The following RBM44 variants were observed in gnomAD, a reference collection of about 807,000 sequenced individuals.
The protein encoded by RBM44 is RNA binding motif protein 44, also known as RNA-binding protein 44.
A neutral mutation model predicts 105.1 loss-of-function variants in RBM44; 66 were observed. The observed-to-expected ratio is 0.63, with a 90% CI of 0.52 to 0.77. The LOEUF is 0.77. Ranked by LOEUF, RBM44 falls within the 30% of genes least tolerant of loss-of-function variation. The pLI is 0.00. For missense variants in RBM44, 1,122 were observed against 1,207.8 expected (o/e 0.93, Z 1.05); for synonymous variants, 365 against 417.6 (o/e 0.87, Z 1.54).
At chr2:237,812,148 G>C (rs72987131) in intron 1 of RBM44, among the ~76,000 whole-genome samples, 2 of 152,202 alleles carry the variant, frequency 1.3e-5, no homozygotes, top group Non-Finnish European at 1.5e-5. Flanking sequence ...GAGCCACTGC[G>C]CCCAGCCTGT....
At chr2:237,833,935 G>A (rs530482871) in intron 13 of RBM44, 62 bp from the exon 14 acceptor site, 38 of 761,220 alleles carry the variant, frequency 5.0e-5, no homozygotes, top group Admixed American at 2.7e-4. Flanking sequence ...TTGAATAAGC[G>A]GTATTATCTT....
At chr2:237,805,549 C>G (rs2150967814) in intron 1 of RBM44, among the ~76,000 whole-genome samples, 1 of 152,292 alleles carries the variant, frequency 6.6e-6, no homozygotes, top group East Asian at 1.9e-4. Context: ...GAAGGACTCC[C>G]TTATTCAATA....
chr2:237,821,918 C>A, intron 8 of RBM44, 91 bp downstream of exon 8: 1 of 799,246 alleles, frequency 1.3e-6, no homozygotes, highest in Non-Finnish European at 2.1e-6. Context: ...TGACATCCTT[C>A]TTTTCACTCA....
intron 1 of RBM44, among the ~76,000 whole-genome samples, chr2:237,810,427 G>T (rs1393598486): frequency 6.6e-6 from 1 of 152,160 alleles, no homozygotes; most frequent in Non-Finnish European, 1.5e-5. Context: ...AGTCACTGTG[G>T]TCCCAGCTAT....
At chr2:237,839,230 C>G (rs79820233) in intron 15 of RBM44, among the ~76,000 whole-genome samples, 4,218 of 152,230 alleles carry the variant, frequency 0.028, 83 homozygotes, top group Middle Eastern at 0.085. Context: ...GGGGCAACTA[C>G]TAAAAGAACA....
At chr2:237,801,361 A>G (rs1402980022) in intron 1 of RBM44, among the ~76,000 whole-genome samples, 1 of 152,156 alleles carries the variant, frequency 6.6e-6, no homozygotes, top group Non-Finnish European at 1.5e-5. Context: ...GAACAATCAA[A>G]TGTATCAAAT....
rs1457041850 is a variant in RBM44 at position 237,817,420 on chromosome 2, T to C, written c.501T>C (p.Asn167=). ...GAATCTACAATATTTCAGATGCTAA[T>C]TATAGAGAAAGTGCTGAAGATACAC... ...LERIYNISDA[N]YRESAEDTQK... Residue 167 remains asparagine (N), a synonymous_variant, in exon 3 of 16, where the codon AAT becomes AAC. Coordinates refer to ENST00000316997, the MANE Select transcript of RBM44 (RefSeq NM_001080504.3). 1 of 1,599,934 alleles carries C rather than the reference T, an allele frequency of 6.3e-7. No homozygotes were observed.
intron 1 of RBM44, among the ~76,000 whole-genome samples, chr2:237,808,527 G>A (rs1011891761): frequency 2.0e-5 from 3 of 151,668 alleles, no homozygotes; most frequent in African/African-American, 2.4e-5. Flanking sequence ...AAAATTTCAG[G>A]TAAATTAGGA....
chr2:237,814,282 A>G (rs1158224704), intron 2 of RBM44, among the ~76,000 whole-genome samples: 1 of 152,206 alleles, frequency 6.6e-6, no homozygotes, highest in Non-Finnish European at 1.5e-5. Context: ...TGATAGTAGT[A>G]AAGAGCATAA....
chr2:237,837,195 T>C (rs1576519393), intron 15 of RBM44, among the ~76,000 whole-genome samples: 1 of 152,176 alleles, frequency 6.6e-6, no homozygotes, highest in Non-Finnish European at 1.5e-5. Flanking sequence ...AGAACTCTGA[T>C]GGAGATGTAG....
At chr2:237,829,158 A>T in intron 12 of RBM44, 59 bp from the exon 13 acceptor site, 1 of 1,335,052 alleles carries the variant, frequency 7.5e-7, no homozygotes, top group Non-Finnish European at 1.0e-6. Context: ...TTGCAAAATT[A>T]AGTTTGATGT....
chr2:237,820,743 C>T, intron 5 of RBM44: 1 of 246,282 alleles, frequency 4.1e-6, no homozygotes, highest in Non-Finnish European at 7.6e-6. Flanking sequence ...ATTTAGAGTT[C>T]TAGTAAAATT....
chr2:237,814,193 G>T (rs1362480432), intron 2 of RBM44, among the ~76,000 whole-genome samples: 2 of 152,108 alleles, frequency 1.3e-5, no homozygotes, highest in African/African-American at 4.8e-5. Flanking sequence ...CATTGTTCAT[G>T]AGACATATTT....
At chr2:237,806,000 A>C (rs1029138851) in intron 1 of RBM44, among the ~76,000 whole-genome samples, 2 of 152,096 alleles carry the variant, frequency 1.3e-5, no homozygotes, top group African/African-American at 4.8e-5. Flanking sequence ...AAACAACAAC[A>C]ACAACAAAAG....
chr2:237,811,833 C>T (rs1012397933), intron 1 of RBM44, among the ~76,000 whole-genome samples: 2 of 152,054 alleles, frequency 1.3e-5, no homozygotes, highest in African/African-American at 2.4e-5. Context: ...TTGTTTCAGT[C>T]TTCTCTTAAC....
At chr2:237,816,258 A>G (rs1181660384) in intron 2 of RBM44, among the ~76,000 whole-genome samples, 1 of 152,108 alleles carries the variant, frequency 6.6e-6, no homozygotes, top group Non-Finnish European at 1.5e-5. Context: ...TGTTAAAATT[A>G]CATTTTTGTG....
Position 237,821,344 on chromosome 2 carries a change from A to G in RBM44, c.2098-2A>G, listed in dbSNP as rs770484494. 7.0e-6 allele frequency: 11 copies of G among 1,564,026 alleles called. No homozygotes were observed. The South Asian group carries it at 1.3e-4, about 19-fold the overall frequency. ...ATTTTTTTTCCTTTTCTCTCCTTCCAGCTAATGAAAAAAGAAACACATGTG... is the reference window on the plus strand; with the variant it reads ...ATTTTTTTTCCTTTTCTCTCCTTCCGGCTAATGAAAAAAGAAACACATGTG... On this transcript the variant is annotated splice_acceptor_variant, in intron 6 of 15. Coordinates refer to ENST00000316997, the MANE Select transcript of RBM44 (RefSeq NM_001080504.3). LOFTEE classifies it high-confidence loss of function.
chr2:237,826,187 A>T (rs113030052), intron 10 of RBM44, among the ~76,000 whole-genome samples: 27 of 152,180 alleles, frequency 1.8e-4, no homozygotes, highest in African/African-American at 4.3e-4. Flanking sequence ...TAAAATTTCC[A>T]CATCTCCCAT....
intron 13 of RBM44, among the ~76,000 whole-genome samples, chr2:237,830,178 A>G (rs1407548963): frequency 1.3e-5 from 2 of 152,176 alleles, no homozygotes; most frequent in African/African-American, 2.4e-5. Flanking sequence ...AGAATGTTAT[A>G]TAAATGAAAT....
Sources: gnomAD v4.1 joint callset for allele counts (sites outside exome capture counted in the v4.1 genomes callset) on GRCh38, gnomAD v4.1.1 for gene constraint, MANE v1.5 for transcripts, NCBI Gene and HGNC (gene_info 2026-07-23, HGNC 2026-07-21) for gene names.